LBH: variants seen among roughly 807,000 people sequenced by gnomAD.
LBH encodes protein LBH.
A neutral mutation model predicts 12.5 loss-of-function variants in LBH; 7 were observed. The ratio of observed to expected loss-of-function variants is 0.56; its 90% CI spans 0.32 to 1.05. The LOEUF (loss-of-function observed/expected upper bound fraction) is 1.05, where lower values mean the gene tolerates loss of function less well. LBH is among the 50% of genes least tolerant of loss of function. The pLI, the probability that LBH is intolerant of heterozygous loss-of-function variation, is 0.04. For synonymous variants in LBH, 51 were observed against 50.1 expected (o/e 1.02, Z -0.08); for missense variants, 119 against 138.9 (o/e 0.86, Z 0.72).
At chr2:30,240,054 C>T (rs2102472) in intron 2 of LBH, among the ~76,000 whole-genome samples, 34,752 of 152,150 alleles carry the variant, frequency 0.23, 4,258 homozygotes, top group Non-Finnish European at 0.28. Flanking sequence ...TTGGGCCTGA[C>T]GCCTCTCTCT....
intron 2 of LBH, among the ~76,000 whole-genome samples, chr2:30,240,043 G>T (rs188014241): frequency 2.0e-5 from 3 of 152,316 alleles, no homozygotes; most frequent in Admixed American, 2.0e-4. Context: ...AGGGGCCTGT[G>T]TTGGGCCTGA....
chr2:30,231,671 A>G lies in LBH; in HGVS notation c.-68A>G, dbSNP rs2103553815. On this transcript the variant is annotated 5_prime_UTR_variant, in exon 1 of 3. Coordinates refer to ENST00000395323, the MANE Select transcript of LBH (RefSeq NM_030915.4). ...TGCCGTGCCCGTCTGCGCCCGTGTC[A>G]TCCTCACTCGGGACGCAGGGACCGT... The G allele has an allele frequency of 6.7e-7, 1 of 1,498,014 alleles. No individual in the cohort carries two copies. The highest frequency in any genetic ancestry group is 2.4e-5 in the East Asian group (1 of 41,760). 92.8% of individuals were successfully genotyped at this position (1,498,014 alleles called of 1,614,324 possible).
Position 30,257,661 on chromosome 2 carries a change from T to C in LBH, c.*40T>C. 2.1e-6 allele frequency: 3 copies of C among 1,463,340 alleles called. 1 individual carries two copies. The highest frequency in any genetic ancestry group is 4.4e-4 in the Middle Eastern group (2 of 4,526). 90.6% of individuals were successfully genotyped at this position (1,463,340 alleles called of 1,614,324 possible). A position where few individuals can be genotyped will look rare whatever the true frequency, so the allele number is the denominator to read the frequency against. On this transcript the variant is annotated 3_prime_UTR_variant, in exon 3 of 3. Transcript: ENST00000395323. ...CCCATGGGTCATACCAGCCAGCATC[T>C]GTTCCTGAACTGTGTTTTTCCCATC...
chr2:30,250,090 G>C (rs1446176779), intron 2 of LBH, among the ~76,000 whole-genome samples: 1 of 152,180 alleles, frequency 6.6e-6, no homozygotes, highest in Non-Finnish European at 1.5e-5. Context: ...AGATGGAGGC[G>C]AGGAAAAAGC....
At chr2:30,240,756 C>T (rs576265991) in intron 2 of LBH, among the ~76,000 whole-genome samples, 48 of 152,354 alleles carry the variant, frequency 3.2e-4, no homozygotes, top group African/African-American at 1.1e-3. Context: ...CTCAAGCCCC[C>T]TCTCCGGTGG....
At chr2:30,245,436 C>T (rs529277310) in intron 2 of LBH, among the ~76,000 whole-genome samples, 97 of 152,276 alleles carry the variant, frequency 6.4e-4, no homozygotes, top group African/African-American at 2.0e-3. Flanking sequence ...GTTCGGAAAC[C>T]ATGGATACGT....
At chr2:30,236,291 G>C (rs1380670064) in intron 2 of LBH, among the ~76,000 whole-genome samples, 1 of 152,254 alleles carries the variant, frequency 6.6e-6, no homozygotes, top group Non-Finnish European at 1.5e-5. Context: ...GGTGGTGAGG[G>C]AGGAAGGAGC....
At chr2:30,236,172 A>G (rs570026758) in intron 2 of LBH, among the ~76,000 whole-genome samples, 62 of 152,178 alleles carry the variant, frequency 4.1e-4, no homozygotes, top group Non-Finnish European at 8.1e-4. Flanking sequence ...TGTGCTTTTC[A>G]TATTTTCCTT....
rs886828942 is a variant in LBH, at chr2:30,243,525, C to CTTT, written c.129+9039_129+9041dup. Among the ~76,000 whole-genome samples, 314 of 110,112 alleles carry CTTT rather than the reference C, an allele frequency of 2.9e-3. 1 individual carries two copies. Among genetic ancestry groups the CTTT allele is most frequent in the African/African-American group, 7.2e-3 (186 of 26,002 alleles). 72.2% of individuals were successfully genotyped at this position (110,112 alleles called of 152,430 possible). A position where few individuals can be genotyped will look rare whatever the true frequency, so the allele number is the denominator to read the frequency against. On this transcript the variant is annotated intron_variant, in intron 2 of 2. Coordinates refer to ENST00000395323, the MANE Select transcript of LBH (RefSeq NM_030915.4). ...CCTGGAATTAAGGATGGGCTGGACT[C>CTTT]TTTTTTTTTTTTTTTTTTTTTTTGA... is the stretch of plus-strand genomic sequence containing the variant.
chr2:30,243,859 A>T (rs1189448768), intron 2 of LBH, among the ~76,000 whole-genome samples: 1 of 152,038 alleles, frequency 6.6e-6, no homozygotes, highest in Non-Finnish European at 1.5e-5. Context: ...AGATCTTAAC[A>T]TAATGGAAGT....
chr2:30,259,418 GGCTTTCCTCTC>G lies in LBH; in HGVS notation c.*1798_*1808del, dbSNP rs999867910. The G allele has an allele frequency of 6.5e-6, 1 of 152,822 alleles. No homozygotes were observed. Among genetic ancestry groups the G allele is most frequent in the African/African-American group, 2.4e-5 (1 of 41,416 alleles). The allele number at this position is 152,822 out of a possible 1,614,324, so 9.5% of individuals were successfully genotyped here. A position where few individuals can be genotyped will look rare whatever the true frequency, so the allele number is the denominator to read the frequency against. ...GAGGCCGGCAGCCTGCACCGAGAGG[GGCTTTCCTCTC>G]TCTTGCTCCCCGCTTCGTTCTGTTT... On this transcript the variant is annotated 3_prime_UTR_variant, in exon 3 of 3. Coordinates refer to ENST00000395323, the MANE Select transcript of LBH (RefSeq NM_030915.4).
At chr2:30,244,861 G>A (rs376421553) in intron 2 of LBH, among the ~76,000 whole-genome samples, 2 of 152,058 alleles carry the variant, frequency 1.3e-5, no homozygotes, top group Admixed American at 1.3e-4. Context: ...AGCTGAGATC[G>A]CACCACTGCA....
intron 1 of LBH, among the ~76,000 whole-genome samples, chr2:30,233,609 G>A (rs1217722319): frequency 6.6e-6 from 1 of 152,254 alleles, no homozygotes; most frequent in African/African-American, 2.4e-5. Context: ...CAGAGTTTGT[G>A]CAAGGATAAG....
At chr2:30,240,598 G>T (rs758354886) in intron 2 of LBH, among the ~76,000 whole-genome samples, 21 of 152,302 alleles carry the variant, frequency 1.4e-4, no homozygotes, top group Admixed American at 5.2e-4. Flanking sequence ...ATCGTTATCA[G>T]CACATCAAAT....
intron 2 of LBH, among the ~76,000 whole-genome samples, chr2:30,246,495 AC>A (rs1346103639): frequency 6.6e-6 from 1 of 152,260 alleles, no homozygotes; most frequent in Non-Finnish European, 1.5e-5. Flanking sequence ...AATGTAAATA[AC>A]AGTTTTTAGT....
chr2:30,257,763 C>A lies in LBH; in HGVS notation c.*142C>A. ...CTTCTGTTTTGCACCTGCAGATCACCGAGTTGGTTTTCTTTTCTTTTCTTG... is the reference window on the plus strand; with the variant it reads ...CTTCTGTTTTGCACCTGCAGATCACAGAGTTGGTTTTCTTTTCTTTTCTTG... On this transcript the variant is annotated 3_prime_UTR_variant, in exon 3 of 3. Coordinates refer to ENST00000395323, the MANE Select transcript of LBH (RefSeq NM_030915.4). 1 of 551,986 alleles carries A rather than the reference C, an allele frequency of 1.8e-6. No homozygotes were observed. Among genetic ancestry groups the A allele is most frequent in the Non-Finnish European group, 3.0e-6 (1 of 335,234 alleles). The allele number at this position is 551,986 out of a possible 1,614,324, so 34.2% of individuals were successfully genotyped here. A position where few individuals can be genotyped will look rare whatever the true frequency, so the allele number is the denominator to read the frequency against.
At chr2:30,243,933 C>T (rs1043174229) in intron 2 of LBH, among the ~76,000 whole-genome samples, 11 of 152,296 alleles carry the variant, frequency 7.2e-5, no homozygotes, top group African/African-American at 2.6e-4. Context: ...TGCTTTGCAA[C>T]ACGTAGACAG....
chr2:30,243,719 G>A (rs147031645), intron 2 of LBH, among the ~76,000 whole-genome samples: 7,997 of 151,798 alleles, frequency 0.053, 737 homozygotes, highest in African/African-American at 0.18. Flanking sequence ...TAGTGGAGAC[G>A]GGTTTCTCCA....
chr2:30,249,846 C>T (rs766395637), intron 2 of LBH, among the ~76,000 whole-genome samples: 2 of 152,186 alleles, frequency 1.3e-5, no homozygotes, highest in Admixed American at 6.5e-5. Flanking sequence ...GTTTGATTCT[C>T]TCCAAAGCCC....
Sources: allele counts gnomAD v4.1 joint callset (sites outside exome capture counted in the v4.1 genomes callset), GRCh38; gene constraint gnomAD v4.1.1; transcripts MANE v1.5; gene names NCBI Gene and HGNC (gene_info 2026-07-23, HGNC 2026-07-21).